Variants in SLC14A2 observed in about 807,000 individuals in gnomAD.
SLC14A2 encodes solute carrier family 14 member 2, also known as urea transporter 2.
SLC14A2 carries 91 observed loss-of-function variants against 104.6 expected under a neutral mutation model. The ratio of observed to expected loss-of-function variants is 0.87; its 90% CI spans 0.73 to 1.04. SLC14A2 has a LOEUF of 1.04. Among genes scored for constraint, SLC14A2 ranks in the 50% least tolerant of loss-of-function variants. The probability of loss-of-function intolerance (pLI) is 0.00; values close to 1 mark genes in which losing one functional copy is unlikely to be tolerated. For synonymous variants in SLC14A2, 476 were observed against 466.4 expected (o/e 1.02, Z -0.27); for missense variants, 1,189 against 1,156.0 (o/e 1.03, Z -0.41).
At position 45,575,288 on chromosome 18, in the gene SLC14A2, C is replaced by G. The variant is rs2044403931; in HGVS notation, c.-34-49343C>G. On this transcript the variant is annotated intron_variant, in intron 2 of 20. Coordinates refer to the SLC14A2 transcript ENST00000586448. Reference sequence around the variant, plus strand: ...CCACTGTCAGGTAGCCCCCTCCCTCCATGCCCCTGTCTTTCTCCCCATGTT... The same window carrying G: ...CCACTGTCAGGTAGCCCCCTCCCTCGATGCCCCTGTCTTTCTCCCCATGTT... 2.6e-5 allele frequency among the ~76,000 whole-genome samples: 4 copies of G among 152,164 alleles called. 2 individuals carry two copies. The South Asian group carries it at 8.3e-4, about 32-fold the overall frequency.
rs572721497 is a variant in SLC14A2 at position 45,367,694 on chromosome 18, A to G, written c.-124-115539A>G. ...TCACATTGGTAGCTTAATATTGGCC[A>G]TGATTCAAGTATTTACACCATGGAA... On this transcript the variant is annotated intron_variant, in intron 1 of 20. Transcript: ENST00000586448. Among the ~76,000 whole-genome samples the G allele has an allele frequency of 2.6e-5, 4 of 152,298 alleles. No homozygotes were observed. The South Asian group carries it at 6.2e-4, about 24-fold the overall frequency.
intron 1 of SLC14A2, among the ~76,000 whole-genome samples, chr18:45,447,893 G>C (rs1047390669): frequency 6.6e-6 from 1 of 152,192 alleles, no homozygotes; most frequent in Non-Finnish European, 1.5e-5. Context: ...TACCACTTCA[G>C]TGAGCCCTGC....
chr18:45,412,249 T>C (rs1164900570), intron 1 of SLC14A2, among the ~76,000 whole-genome samples: 4 of 152,136 alleles, frequency 2.6e-5, no homozygotes. Flanking sequence ...ATTGTGGGGA[T>C]TTTTTTCCAC....
chr18:45,471,322 G>A (rs189041399), intron 1 of SLC14A2, among the ~76,000 whole-genome samples: 62 of 152,100 alleles, frequency 4.1e-4, no homozygotes, highest in Non-Finnish European at 6.8e-4. Context: ...TGTTTGTTTC[G>A]CTTTTTGTTT....
chr18:45,548,730 A>T (rs1402419103), intron 2 of SLC14A2, among the ~76,000 whole-genome samples: 1 of 152,220 alleles, frequency 6.6e-6, no homozygotes, highest in Admixed American at 6.5e-5. Flanking sequence ...CATAGTTTAC[A>T]GCTACCCGGG....
chr18:45,177,612 T>C, the SLC14A2 span, among the ~76,000 whole-genome samples: 1 of 152,190 alleles, frequency 6.6e-6, no homozygotes, highest in Non-Finnish European at 1.5e-5. Context: ...AATTATCAGA[T>C]TAAATGTTAG....
At chr18:45,346,402 C>A (rs2085448451) in intron 1 of SLC14A2, among the ~76,000 whole-genome samples, 1 of 152,140 alleles carries the variant, frequency 6.6e-6, no homozygotes, top group African/African-American at 2.4e-5. Context: ...GGGGACCTAC[C>A]CGCCTCGGCC....
At chr18:45,186,542 G>C in the SLC14A2 span, among the ~76,000 whole-genome samples, 8 of 152,162 alleles carry the variant, frequency 5.3e-5, no homozygotes, top group Non-Finnish European at 1.2e-4. Context: ...CATGCACATA[G>C]ACAGCCAGGA....
intron 1 of SLC14A2, among the ~76,000 whole-genome samples, chr18:45,393,992 C>A (rs1388196900): frequency 1.3e-5 from 2 of 152,188 alleles, no homozygotes; most frequent in African/African-American, 4.8e-5. Context: ...AGGTCCTAAC[C>A]CCTCTCCACT....
At chr18:45,346,321 A>C (rs2085447459) in intron 1 of SLC14A2, among the ~76,000 whole-genome samples, 2 of 152,026 alleles carry the variant, frequency 1.3e-5, no homozygotes, top group African/African-American at 4.8e-5. Context: ...ACATCTGGCT[A>C]ATTTTTGGTA....
intron 1 of SLC14A2, among the ~76,000 whole-genome samples, chr18:45,378,080 A>G (rs985371134): frequency 1.4e-4 from 22 of 152,176 alleles, no homozygotes; most frequent in African/African-American, 4.6e-4. Flanking sequence ...TGTAATCTCT[A>G]TCTCCTTGTT....
At chr18:45,640,456 GA>G (rs1346753731) in intron 7 of SLC14A2, among the ~76,000 whole-genome samples, 1 of 152,088 alleles carries the variant, frequency 6.6e-6, no homozygotes, top group Admixed American at 6.5e-5. Flanking sequence ...AAGATACAAA[GA>G]AAATTGTTCT....
At chr18:45,585,708 G>A (rs973290958) in intron 2 of SLC14A2, among the ~76,000 whole-genome samples, 4 of 152,096 alleles carry the variant, frequency 2.6e-5, no homozygotes, top group Admixed American at 6.5e-5. Context: ...TCCCATTCAC[G>A]CTACCTGCTC....
intron 1 of SLC14A2, among the ~76,000 whole-genome samples, chr18:45,346,809 A>G (rs1042641946): frequency 8.6e-5 from 13 of 151,780 alleles, no homozygotes; most frequent in Admixed American, 5.9e-4. Context: ...TAAAAACACA[A>G]CAGTTAGCCT....
intron 1 of SLC14A2, among the ~76,000 whole-genome samples, chr18:45,437,872 T>G (rs2086622388): frequency 6.6e-6 from 1 of 152,224 alleles, no homozygotes; most frequent in Admixed American, 6.5e-5. Context: ...GGATTCATAT[T>G]CATACTGAGC....
intron 1 of SLC14A2, among the ~76,000 whole-genome samples, chr18:45,450,358 C>T (rs182229904): frequency 1.3e-5 from 2 of 152,312 alleles, no homozygotes; most frequent in East Asian, 3.9e-4. Context: ...TTGGTTTAGT[C>T]TTAACCCAGG....
chr18:45,461,582 C>G (rs1236376146), intron 1 of SLC14A2, among the ~76,000 whole-genome samples: 1 of 152,168 alleles, frequency 6.6e-6, no homozygotes, highest in East Asian at 1.9e-4. Context: ...ATAGTTTCAG[C>G]TCTGTAAAGA....
chr18:45,595,455 T>C (rs892900241), intron 2 of SLC14A2, among the ~76,000 whole-genome samples: 2 of 151,966 alleles, frequency 1.3e-5, no homozygotes, highest in African/African-American at 2.4e-5. Context: ...ATATAGGCAA[T>C]CTTACTTCAA....
At chr18:45,338,055 G>A (rs1226957731) in intron 1 of SLC14A2, among the ~76,000 whole-genome samples, 2 of 152,132 alleles carry the variant, frequency 1.3e-5, no homozygotes, top group African/African-American at 4.8e-5. Context: ...CTTACCTCAA[G>A]CATTTCCTTC....
Sources: gnomAD v4.1 joint callset for allele counts (sites outside exome capture counted in the v4.1 genomes callset) on GRCh38, gnomAD v4.1.1 for gene constraint, MANE v1.5 for transcripts, NCBI Gene and HGNC (gene_info 2026-07-23, HGNC 2026-07-21) for gene names.